IQCE: variants seen among roughly 807,000 people sequenced by gnomAD.
IQCE encodes the protein IQ domain-containing protein E.
Under a neutral mutation model 96.0 loss-of-function variants are expected in IQCE, and 115 were observed. That is an observed-to-expected ratio of 1.20 (90% CI 1.03 to 1.40). The LOEUF is 1.40. Among genes scored for constraint, IQCE ranks in the 40% most tolerant of loss-of-function variants. IQCE has a pLI of 0.00. For missense variants in IQCE, 1,041 were observed against 909.1 expected (o/e 1.15, Z -1.87); for synonymous variants, 412 against 371.2 (o/e 1.11, Z -1.26).
At chr7:2,573,262 T>C (rs1781887828) in intron 5 of IQCE, among the ~76,000 whole-genome samples, 156 bp from the exon 6 acceptor site, 1 of 152,242 alleles carries the variant, frequency 6.6e-6, no homozygotes, top group Non-Finnish European at 1.5e-5. Context: ...TGAAGTATCA[T>C]GATCAGGCTG....
intron 14 of IQCE, among the ~76,000 whole-genome samples, chr7:2,591,137 CG>C (rs1783549434): frequency 6.6e-6 from 1 of 151,934 alleles, no homozygotes; most frequent in African/African-American, 2.4e-5. Context: ...CCTGTAATCC[CG>C]CCTATTTGGG....
intron 1 of IQCE, among the ~76,000 whole-genome samples, chr7:2,563,375 T>TTG (rs143397539): frequency 0.057 from 7,705 of 135,680 alleles, 211 homozygotes; most frequent in Middle Eastern, 0.16. Context: ...TAATTTTTTG[T>TTG]TGTGTGTGTG....
At chr7:2,576,093 G>C (rs995548277) in intron 6 of IQCE, among the ~76,000 whole-genome samples, 6 of 152,228 alleles carry the variant, frequency 3.9e-5, no homozygotes, top group African/African-American at 1.4e-4. Context: ...GGGTTTGTCT[G>C]CAACGATCTT....
intron 11 of IQCE, among the ~76,000 whole-genome samples, chr7:2,585,118 C>G (rs1782997028): frequency 6.6e-6 from 1 of 150,930 alleles, no homozygotes; most frequent in South Asian, 2.1e-4. Context: ...TCACTGCAAC[C>G]TCTGCCTCCT....
chr7:2,588,193 C>A (rs981853107), intron 13 of IQCE, among the ~76,000 whole-genome samples: 2 of 152,202 alleles, frequency 1.3e-5, no homozygotes, highest in East Asian at 3.8e-4. Context: ...TGCTTCCCAC[C>A]ACTCAAGTCG....
intron 18 of IQCE, among the ~76,000 whole-genome samples, chr7:2,602,816 A>G (rs1315816143): frequency 1.3e-5 from 2 of 152,244 alleles, no homozygotes; most frequent in Admixed American, 6.5e-5. Context: ...GACAGCCAGT[A>G]TGGTCGCGGG....
At chr7:2,596,399 ATTTTTTTTTT>A (rs3074415) in intron 16 of IQCE, among the ~76,000 whole-genome samples, 1 of 138,458 alleles carries the variant, frequency 7.2e-6, no homozygotes, top group African/African-American at 2.7e-5. Flanking sequence ...GGTTATAAGC[ATTTTTTTTTT>A]TTTTTTTTTA....
At chr7:2,567,193 C>G (rs202216035) in intron 2 of IQCE, 30 bp downstream of exon 2, 1 of 1,602,954 alleles carries the variant, frequency 6.2e-7, no homozygotes, top group East Asian at 2.2e-5. Flanking sequence ...AGCCGTGCGA[C>G]CTCGGGCTGG....
At chr7:2,604,782 C>A in intron 18 of IQCE, 99 bp from the exon 19 acceptor site, 1 of 785,760 alleles carries the variant, frequency 1.3e-6, no homozygotes. Context: ...GTCACGTTCC[C>A]TGCTGCCGTG....
intron 19 of IQCE, among the ~76,000 whole-genome samples, 196 bp downstream of exon 19, chr7:2,605,187 G>A (rs1784713661): frequency 6.6e-6 from 1 of 152,240 alleles, no homozygotes. Flanking sequence ...GGCCCCGGAT[G>A]GATGTGGCGT....
At chr7:2,575,580 A>T (rs1047346735) in intron 6 of IQCE, among the ~76,000 whole-genome samples, 3 of 135,212 alleles carry the variant, frequency 2.2e-5, no homozygotes, top group African/African-American at 7.5e-5. Context: ...GGCAAGGGTG[A>T]GTGTCTGGGC....
At position 2,610,246 on chromosome 7, in the gene IQCE, G is replaced by C. The variant is rs1438937341; in HGVS notation, c.*84G>C. On this transcript the variant is annotated 3_prime_UTR_variant, in exon 22 of 22. Transcript: ENST00000402050. ...ACTGGAAAGATAATTTATCGTGTTAGGAGAAGAACGATGATACCTACTTAA... is the reference window on the plus strand; with the variant it reads ...ACTGGAAAGATAATTTATCGTGTTACGAGAAGAACGATGATACCTACTTAA... The C allele has an allele frequency of 1.6e-5, 14 of 849,924 alleles. No homozygotes were observed. The Admixed American group carries it at 2.5e-4, about 15-fold the overall frequency. 52.6% of individuals were successfully genotyped at this position (849,924 alleles called of 1,614,324 possible).
At chr7:2,565,098 G>GTGCA (rs1491451858) in intron 1 of IQCE, among the ~76,000 whole-genome samples, 3 of 147,112 alleles carry the variant, frequency 2.0e-5, no homozygotes, top group African/African-American at 7.6e-5. Flanking sequence ...GTGTGTGTGC[G>GTGCA]TGTGTGTGTG....
intron 2 of IQCE, among the ~76,000 whole-genome samples, chr7:2,567,962 G>T (rs535663980): frequency 6.6e-6 from 1 of 152,172 alleles, no homozygotes; most frequent in East Asian, 1.9e-4. Flanking sequence ...TTCCCCCCGC[G>T]CAGAACTTGG....
At chr7:2,589,824 G>A (rs1373652695) in intron 13 of IQCE, 83 bp from the exon 14 acceptor site, 2 of 1,386,064 alleles carry the variant, frequency 1.4e-6, no homozygotes, top group Non-Finnish European at 2.0e-6. Flanking sequence ...AGTTTGCCCT[G>A]GTTCAGTGTC....
chr7:2,582,645 C>T lies in IQCE; in HGVS notation c.696C>T (p.Thr232=). The T allele has an allele frequency of 1.2e-6, 2 of 1,613,738 alleles. No homozygotes were observed. The highest frequency in any genetic ancestry group is 1.1e-5 in the South Asian group (1 of 91,034). ...LEQQCKEKDG[T]ISKLQTDMKT... ...AGCAGTGCAAGGAGAAGGACGGCAC[C>T]ATCAGGTGGGCGCAGGGCTGCACCC... Residue 232 remains threonine (T), a synonymous_variant, in exon 9 of 22, where the codon ACC becomes ACT. Transcript: ENST00000402050.
intron 15 of IQCE, 93 bp downstream of exon 15, chr7:2,593,219 A>G (rs1783752138): frequency 2.0e-6 from 3 of 1,482,456 alleles, no homozygotes; most frequent in Non-Finnish European, 2.7e-6. Context: ...CCTTGCTGCC[A>G]GCCGGCTTCT....
intron 1 of IQCE, among the ~76,000 whole-genome samples, chr7:2,563,286 T>A (rs555548470): frequency 1.3e-5 from 2 of 152,152 alleles, no homozygotes; most frequent in African/African-American, 4.8e-5. Context: ...AGCCTCAACT[T>A]CCCGGACCCA....
At chr7:2,583,040 CTG>C (rs1242315119) in intron 9 of IQCE, among the ~76,000 whole-genome samples, 1 of 152,140 alleles carries the variant, frequency 6.6e-6, no homozygotes, top group Non-Finnish European at 1.5e-5. Flanking sequence ...TTAAGGGAAA[CTG>C]AGGCCACACG....
Sources: allele counts gnomAD v4.1 joint callset (sites outside exome capture counted in the v4.1 genomes callset), GRCh38; gene constraint gnomAD v4.1.1; transcripts MANE v1.5; gene names NCBI Gene and HGNC (gene_info 2026-07-23, HGNC 2026-07-21).